CNTN6: variants seen among roughly 807,000 people sequenced by gnomAD.
The protein encoded by CNTN6 is contactin-6.
A neutral mutation model predicts 122.8 loss-of-function variants in CNTN6; 137 were observed. The ratio of observed to expected loss-of-function variants is 1.12; its 90% CI spans 0.97 to 1.29. The LOEUF (loss-of-function observed/expected upper bound fraction) is 1.29. CNTN6 is among the 50% of genes most tolerant of loss of function. CNTN6 has a pLI of 0.00. For synonymous variants in CNTN6, 570 were observed against 426.0 expected (o/e 1.34, Z -4.16); for missense variants, 1,634 against 1,223.4 (o/e 1.34, Z -5.01).
At chr3:1,168,333 G>C (rs754429791) in intron 2 of CNTN6, among the ~76,000 whole-genome samples, 4 of 149,964 alleles carry the variant, frequency 2.7e-5, no homozygotes, top group Non-Finnish European at 3.0e-5. Context: ...TGGTAAGTGA[G>C]ACAGGGTGAG....
intron 3 of CNTN6, among the ~76,000 whole-genome samples, chr3:1,224,290 C>T (rs756071113): frequency 9.2e-5 from 14 of 151,940 alleles, no homozygotes; most frequent in Non-Finnish European, 2.1e-4. Flanking sequence ...GGAAAGGGGA[C>T]AGGTGGGTCA....
chr3:1,337,931 G>C (rs955770222), intron 11 of CNTN6, among the ~76,000 whole-genome samples: 1 of 151,970 alleles, frequency 6.6e-6, no homozygotes, highest in African/African-American at 2.4e-5. Context: ...GACCTCCACT[G>C]ATCTGGGGCA....
chr3:1,299,466 G>A (rs766295416), intron 7 of CNTN6, among the ~76,000 whole-genome samples: 1 of 152,098 alleles, frequency 6.6e-6, no homozygotes, highest in Admixed American at 6.5e-5. Context: ...TAAAATAATT[G>A]AAAATGTTGA....
At chr3:1,102,818 A>T (rs931601109) in intron 1 of CNTN6, among the ~76,000 whole-genome samples, 1 of 149,834 alleles carries the variant, frequency 6.7e-6, no homozygotes, top group African/African-American at 2.4e-5. Flanking sequence ...ATACAAAATT[A>T]ATGTCCAGGC....
chr3:1,206,720 G>A (rs771256653), intron 2 of CNTN6, among the ~76,000 whole-genome samples: 2 of 152,074 alleles, frequency 1.3e-5, no homozygotes, highest in Non-Finnish European at 2.9e-5. Context: ...CATTCAGGAT[G>A]TACACTCCAC....
intron 7 of CNTN6, among the ~76,000 whole-genome samples, chr3:1,300,622 A>G (rs1302869660): frequency 6.6e-6 from 1 of 151,962 alleles, no homozygotes. Flanking sequence ...AGAAAGGAAG[A>G]AAAGGAGAGA....
At chr3:1,099,995 G>T (rs938797325) in intron 1 of CNTN6, among the ~76,000 whole-genome samples, 1 of 152,046 alleles carries the variant, frequency 6.6e-6, no homozygotes, top group African/African-American at 2.4e-5. Flanking sequence ...ACAATGACTT[G>T]TTTAAATTTA....
chr3:1,230,814 A>G, intron 4 of CNTN6, among the ~76,000 whole-genome samples: 1 of 152,194 alleles, frequency 6.6e-6, no homozygotes, highest in East Asian at 1.9e-4. Flanking sequence ...CACTGACCAC[A>G]CAGTTCATGT....
chr3:1,403,248 T>C (rs1695959105), intron 22 of CNTN6, 70 bp from the exon 23 acceptor site: 1 of 950,082 alleles, frequency 1.1e-6, no homozygotes, highest in African/African-American at 1.7e-5. Flanking sequence ...GAAATTGGGG[T>C]TTTGAAAAAT....
At chr3:1,116,163 G>C (rs2091710043) in intron 1 of CNTN6, among the ~76,000 whole-genome samples, 1 of 152,140 alleles carries the variant, frequency 6.6e-6, no homozygotes, top group Non-Finnish European at 1.5e-5. Flanking sequence ...TAAAGACAAG[G>C]AGTGTAAAAC....
intron 6 of CNTN6, among the ~76,000 whole-genome samples, chr3:1,297,633 T>G (rs935231499): frequency 7.7e-6 from 1 of 130,132 alleles, no homozygotes; most frequent in Admixed American, 7.2e-5. Context: ...TGTTGTTGTT[T>G]TTTTCTTTTT....
At chr3:1,334,690 A>G (rs1244757722) in intron 11 of CNTN6, among the ~76,000 whole-genome samples, 1 of 152,154 alleles carries the variant, frequency 6.6e-6, no homozygotes, top group Non-Finnish European at 1.5e-5. Flanking sequence ...AGAGAGCCCT[A>G]TCAGCTAGGC....
Position 1,201,187 on chromosome 3 carries a change from G to C in CNTN6, c.56-19500G>C, listed in dbSNP as rs139936143. The stretch of plus-strand genomic sequence containing the variant: ...AGGGTTTCACTATGCTGCCCAGGCT[G>C]GTCTCAAACTCCTGAGTTCAAGTGA... On this transcript the variant is annotated intron_variant, in intron 2 of 22. Coordinates refer to ENST00000446702, the MANE Select transcript of CNTN6 (RefSeq NM_001289080.2). Among the ~76,000 whole-genome samples the C allele has an allele frequency of 7.2e-4, 109 of 150,818 alleles. 1 individual carries two copies. In the East Asian group the frequency reaches 0.02, roughly 27 times the overall value.
At chr3:1,198,646 C>G (rs1199303466) in intron 2 of CNTN6, among the ~76,000 whole-genome samples, 5 of 151,368 alleles carry the variant, frequency 3.3e-5, no homozygotes, top group African/African-American at 9.7e-5. Flanking sequence ...TGCTTGAGCC[C>G]GGGAGATGGA....
intron 17 of CNTN6, among the ~76,000 whole-genome samples, chr3:1,378,262 T>A (rs1710171285): frequency 6.6e-6 from 1 of 152,146 alleles, no homozygotes; most frequent in Non-Finnish European, 1.5e-5. Flanking sequence ...GCTGTCTGGA[T>A]CTCTTCCCCA....
chr3:1,284,745 A>T (rs1010110363), intron 5 of CNTN6, among the ~76,000 whole-genome samples: 4 of 152,230 alleles, frequency 2.6e-5, no homozygotes, highest in African/African-American at 7.2e-5. Context: ...AGGTAAAAGA[A>T]GGTTTCACTG....
intron 4 of CNTN6, among the ~76,000 whole-genome samples, chr3:1,239,296 G>A (rs1055680354): frequency 6.6e-6 from 1 of 152,154 alleles, no homozygotes; most frequent in Non-Finnish European, 1.5e-5. Flanking sequence ...AAATCTTCTG[G>A]AACTGGTAAA....
intron 1 of CNTN6, among the ~76,000 whole-genome samples, chr3:1,141,260 G>A (rs1032093575): frequency 6.6e-6 from 1 of 152,128 alleles, no homozygotes; most frequent in Non-Finnish European, 1.5e-5. Context: ...AAAAACAAAA[G>A]GGCAATTAGT....
chr3:1,301,384 T>A (rs1697385178), intron 7 of CNTN6, among the ~76,000 whole-genome samples: 1 of 152,112 alleles, frequency 6.6e-6, no homozygotes, highest in Non-Finnish European at 1.5e-5. Flanking sequence ...CCAGAAAAAT[T>A]TGAGTTGGAA....
Sources: allele counts gnomAD v4.1 joint callset (sites outside exome capture counted in the v4.1 genomes callset), GRCh38; gene constraint gnomAD v4.1.1; transcripts MANE v1.5; gene names NCBI Gene and HGNC (gene_info 2026-07-23, HGNC 2026-07-21).